RBFOX1: variants seen among roughly 807,000 people sequenced by gnomAD.
The protein encoded by RBFOX1 is RNA binding protein fox-1 homolog 1.
RBFOX1 carries 8 observed loss-of-function variants against 57.7 expected under a neutral mutation model. The observed-to-expected ratio is 0.14, with a 90% CI of 0.08 to 0.25. RBFOX1 has a LOEUF of 0.25. Among genes scored for constraint, RBFOX1 ranks in the 10% least tolerant of loss-of-function variants. The pLI is 1.00. For synonymous variants in RBFOX1, 326 were observed against 222.4 expected (o/e 1.47, Z -4.15); for missense variants, 611 against 548.5 (o/e 1.11, Z -1.14).
At chr16:7,175,138 C>A (rs975253446) in intron 4 of RBFOX1, among the ~76,000 whole-genome samples, 4 of 151,690 alleles carry the variant, frequency 2.6e-5, no homozygotes, top group Non-Finnish European at 4.4e-5. Flanking sequence ...ACCTATCAAC[C>A]CATCACCTCG....
At chr16:6,068,729 A>T (rs1368804868) in intron 1 of RBFOX1, among the ~76,000 whole-genome samples, 1 of 152,206 alleles carries the variant, frequency 6.6e-6, no homozygotes, top group African/African-American at 2.4e-5. Flanking sequence ...ACGTCTTTAG[A>T]GGAATGCACA....
intron 2 of RBFOX1, among the ~76,000 whole-genome samples, chr16:5,552,731 C>A (rs143155998): frequency 2.0e-3 from 301 of 152,274 alleles, no homozygotes; most frequent in Admixed American, 4.4e-3. Context: ...GATCCCATGA[C>A]CCAGTGGTGA....
chr16:6,149,408 G>A (rs555780331), intron 1 of RBFOX1, among the ~76,000 whole-genome samples: 1 of 152,318 alleles, frequency 6.6e-6, no homozygotes, highest in African/African-American at 2.4e-5. Flanking sequence ...AGACGCACAG[G>A]TTTCTGTTCT....
rs55652433 is a variant in RBFOX1 at position 5,565,988 on chromosome 16, C to T, written c.259-32914C>T. Reference sequence around the variant, plus strand: ...TGTTCTCATGGTAGTGAATAAGTCTCCTGAGATCTGATGATTTTATAAGAG... The same window carrying T: ...TGTTCTCATGGTAGTGAATAAGTCTTCTGAGATCTGATGATTTTATAAGAG... On this transcript the variant is annotated intron_variant, in intron 2 of 2. Coordinates refer to the RBFOX1 transcript ENST00000585867. Among the ~76,000 whole-genome samples, 5 of 152,218 alleles carry T rather than the reference C, an allele frequency of 3.3e-5. No homozygotes were observed. The East Asian group carries it at 7.7e-4, about 24-fold the overall frequency.
chr16:5,689,832 T>C (rs1274869625), intron 3 of RBFOX1, among the ~76,000 whole-genome samples: 2 of 151,674 alleles, frequency 1.3e-5, no homozygotes, highest in Non-Finnish European at 2.9e-5. Flanking sequence ...AACACATTTG[T>C]AAATAAGTTA....
At chr16:6,474,241 C>T (rs997997764) in intron 2 of RBFOX1, among the ~76,000 whole-genome samples, 1 of 152,166 alleles carries the variant, frequency 6.6e-6, no homozygotes. Flanking sequence ...ATTTCGAACA[C>T]TTTAATCCCA....
chr16:7,634,992 G>A (rs2061534219), intron 11 of RBFOX1, among the ~76,000 whole-genome samples: 1 of 152,204 alleles, frequency 6.6e-6, no homozygotes, highest in African/African-American at 2.4e-5. Flanking sequence ...AGTGAAATGG[G>A]CAGGGCTGCT....
intron 1 of RBFOX1, among the ~76,000 whole-genome samples, chr16:5,402,801 T>A (rs2066750985): frequency 6.6e-6 from 1 of 152,144 alleles, no homozygotes; most frequent in African/African-American, 2.4e-5. Flanking sequence ...TGTTTCCTCT[T>A]CCCTCTGTTT....
At chr16:5,415,306 C>G (rs529739687) in intron 1 of RBFOX1, among the ~76,000 whole-genome samples, 1 of 152,168 alleles carries the variant, frequency 6.6e-6, no homozygotes, top group African/African-American at 2.4e-5. Context: ...AAGTGCCATA[C>G]TTTAAAACGA....
At chr16:6,588,122 T>G (rs535222112) in intron 2 of RBFOX1, among the ~76,000 whole-genome samples, 1 of 151,812 alleles carries the variant, frequency 6.6e-6, no homozygotes, top group Non-Finnish European at 1.5e-5. Flanking sequence ...TCCCAGCTAC[T>G]CGGGAGGCTG....
intron 4 of RBFOX1, among the ~76,000 whole-genome samples, chr16:7,357,345 A>C (rs2146355983): frequency 6.6e-6 from 1 of 152,280 alleles, no homozygotes; most frequent in African/African-American, 2.4e-5. Context: ...TTTTAGAGAA[A>C]CTGATGATGA....
chr16:5,463,395 A>T (rs1438923611), intron 1 of RBFOX1, among the ~76,000 whole-genome samples: 1 of 152,194 alleles, frequency 6.6e-6, no homozygotes, highest in Non-Finnish European at 1.5e-5. Context: ...GTTAGTTACC[A>T]TTGAGCTTAG....
chr16:5,484,402 C>T (rs138829596), intron 2 of RBFOX1, among the ~76,000 whole-genome samples: 118 of 152,302 alleles, frequency 7.7e-4, no homozygotes, highest in African/African-American at 2.6e-3. Flanking sequence ...AGAGAGGGCA[C>T]CCAAGTCAGA....
intron 3 of RBFOX1, among the ~76,000 whole-genome samples, chr16:5,671,399 C>A (rs924141044): frequency 6.6e-6 from 1 of 152,184 alleles, no homozygotes; most frequent in East Asian, 1.9e-4. Flanking sequence ...CTATACACTT[C>A]ACTGAGGCAT....
At chr16:5,933,827 G>A (rs1010571542) in intron 4 of RBFOX1, among the ~76,000 whole-genome samples, 1 of 151,460 alleles carries the variant, frequency 6.6e-6, no homozygotes, top group Non-Finnish European at 1.5e-5. Flanking sequence ...GTGGGTACGT[G>A]TGCAGGTTTG....
intron 3 of RBFOX1, among the ~76,000 whole-genome samples, chr16:6,940,712 C>A (rs59788714): frequency 2.0e-5 from 3 of 151,476 alleles, no homozygotes; most frequent in African/African-American, 4.9e-5. Context: ...ATTCTCCTGC[C>A]TCAGCCTCCC....
At chr16:7,497,259 T>C (rs1357080056) in intron 4 of RBFOX1, among the ~76,000 whole-genome samples, 1 of 152,194 alleles carries the variant, frequency 6.6e-6, no homozygotes, top group Admixed American at 6.5e-5. Flanking sequence ...TCACCACACC[T>C]ATACTCCAGC....
chr16:6,897,819 T>G (rs73546225), intron 3 of RBFOX1, among the ~76,000 whole-genome samples: 12,128 of 152,102 alleles, frequency 0.08, 1,628 homozygotes, highest in African/African-American at 0.27. Context: ...GCTAAGTCCT[T>G]AACATGGATT....
At chr16:7,290,862 A>C (rs945382262) in intron 4 of RBFOX1, among the ~76,000 whole-genome samples, 7 of 152,208 alleles carry the variant, frequency 4.6e-5, no homozygotes, top group Non-Finnish European at 1.0e-4. Context: ...GCTTGTGGGT[A>C]ATGTAGTATT....
Sources: gnomAD v4.1 joint callset for allele counts (sites outside exome capture counted in the v4.1 genomes callset) on GRCh38, gnomAD v4.1.1 for gene constraint, MANE v1.5 for transcripts, NCBI Gene and HGNC (gene_info 2026-07-23, HGNC 2026-07-21) for gene names.